Variants in ADH4 observed in about 807,000 individuals in gnomAD.
The protein encoded by ADH4 is all-trans-retinol dehydrogenase [NAD(+)] ADH4.
Under a neutral mutation model 35.2 loss-of-function variants are expected in ADH4, and 31 were observed. The observed-to-expected ratio is 0.88, with a 90% CI of 0.66 to 1.19. The LOEUF is 1.19. Ranked by LOEUF, ADH4 falls within the 50% of genes most tolerant of loss-of-function variation. The probability of loss-of-function intolerance (pLI) is 0.00; values close to 1 mark genes in which losing one functional copy is unlikely to be tolerated. For synonymous variants in ADH4, 171 were observed against 160.2 expected, an observed-to-expected ratio of 1.07 and a Z score of -0.51; for missense variants, 476 against 458.3, an observed-to-expected ratio of 1.04 and a Z score of -0.35.
intron 4 of ADH4, among the ~76,000 whole-genome samples, chr4:99,138,311 T>C (rs1254313533): frequency 6.6e-6 from 1 of 152,184 alleles, no homozygotes. Flanking sequence ...ATTTTATAGA[T>C]GAAAAAATTG....
intron 3 of ADH4, among the ~76,000 whole-genome samples, chr4:99,139,955 T>G (rs1213862390): frequency 6.6e-6 from 1 of 152,138 alleles, no homozygotes; most frequent in African/African-American, 2.4e-5. Flanking sequence ...CTAATATACC[T>G]CTAACTTTGG....
At chr4:99,129,788 G>A (rs188446135) in intron 6 of ADH4, among the ~76,000 whole-genome samples, 8 of 152,214 alleles carry the variant, frequency 5.3e-5, no homozygotes, top group African/African-American at 1.7e-4. Context: ...ACTTGATTCT[G>A]TACTCTTGGC....
At position 99,124,238 on chromosome 4, in the gene ADH4, G is replaced by A. The variant is rs1038779723; in HGVS notation, c.*204C>T. Reference sequence around the variant, plus strand: ...GATATGATTCTATTCATAAACACTAGTTATTATTATTATTTAACATAGGGA... The same window carrying A: ...GATATGATTCTATTCATAAACACTAATTATTATTATTATTTAACATAGGGA... On this transcript the variant is annotated 3_prime_UTR_variant, in exon 9 of 9. Transcript: ENST00000265512. 2 of 466,904 alleles carry A rather than the reference G, an allele frequency of 4.3e-6. No individual in the cohort carries two copies. The highest frequency in any genetic ancestry group is 4.2e-5 in the African/African-American group (2 of 48,170). 28.9% of individuals were successfully genotyped at this position (466,904 alleles called of 1,614,324 possible). A position where few individuals can be genotyped will look rare whatever the true frequency, so the allele number is the denominator to read the frequency against.
intron 8 of ADH4, among the ~76,000 whole-genome samples, chr4:99,126,278 T>A: frequency 1.4e-5 from 1 of 72,344 alleles, no homozygotes; most frequent in South Asian, 6.6e-4. Context: ...AGGGGTACAC[T>A]CTACTAGAGG....
intron 3 of ADH4, among the ~76,000 whole-genome samples, chr4:99,139,565 T>C (rs1235828888): frequency 6.6e-6 from 1 of 152,210 alleles, no homozygotes; most frequent in Non-Finnish European, 1.5e-5. Flanking sequence ...TTAGATTCAC[T>C]TTCAAATTCC....
At chr4:99,137,424 C>T (rs1243641552) in intron 4 of ADH4, among the ~76,000 whole-genome samples, 1 of 151,920 alleles carries the variant, frequency 6.6e-6, no homozygotes. Flanking sequence ...CCTCGCCTGG[C>T]CCTAATTTTG....
At chr4:99,136,000 G>C (rs1029555794) in intron 5 of ADH4, among the ~76,000 whole-genome samples, 4 of 152,188 alleles carry the variant, frequency 2.6e-5, no homozygotes, top group Non-Finnish European at 5.9e-5. Flanking sequence ...GACATGATGA[G>C]TAGCAGAAAT....
rs1364355140 is a variant in ADH4, at chr4:99,142,714, C to A, written c.85G>T (p.Val29Leu). 1.9e-6 allele frequency: 3 copies of A among 1,604,574 alleles called. No homozygotes were observed. The highest frequency in any genetic ancestry group is 2.5e-6 in the Non-Finnish European group (3 of 1,176,794). ...ACTTCATGAGCCTTGGGGGGAGCTACTTCAACCTCTTCAATGCAAAGGGGC... is the reference window on the plus strand; with the variant it reads ...ACTTCATGAGCCTTGGGGGGAGCTAATTCAACCTCTTCAATGCAAAGGGGC... Reference protein sequence around the residue: ...GKPLCIEEVEVAPPKAHEVRI... With the variant: ...GKPLCIEEVELAPPKAHEVRI... The change falls in exon 2 of 9, where the codon GTA (valine) becomes TTA (leucine). Residue 29 changes from valine (V) to leucine (L), a missense_variant. Transcript: ENST00000265512.
intron 4 of ADH4, among the ~76,000 whole-genome samples, chr4:99,137,495 C>G (rs1420219875): frequency 6.6e-6 from 1 of 152,068 alleles, no homozygotes; most frequent in Non-Finnish European, 1.5e-5. Flanking sequence ...CTCCTGACCT[C>G]AGGTGATCTG....
intron 8 of ADH4, 139 bp from the exon 9 acceptor site, chr4:99,124,605 A>T: frequency 1.8e-6 from 1 of 567,554 alleles, no homozygotes; most frequent in Non-Finnish European, 3.1e-6. Context: ...AATTTCTTTT[A>T]TCCCGTCATC....
intron 1 of ADH4, 123 bp from the exon 2 acceptor site, chr4:99,142,903 G>C: frequency 4.8e-6 from 3 of 628,882 alleles, no homozygotes; most frequent in Non-Finnish European, 8.1e-6. Flanking sequence ...TCATGACAAA[G>C]AGTTAAAGAG....
chr4:99,139,646 A>G (rs1729549574), intron 3 of ADH4, among the ~76,000 whole-genome samples: 1 of 152,192 alleles, frequency 6.6e-6, no homozygotes, highest in Non-Finnish European at 1.5e-5. Context: ...AGGTCTAATG[A>G]TGATAATTCA....
intron 5 of ADH4, chr4:99,133,802 C>T (rs1003192407): frequency 6.6e-6 from 1 of 152,102 alleles, no homozygotes; most frequent in African/African-American, 2.4e-5. Flanking sequence ...AAAATCTGCT[C>T]AAGGTAAGTT....
Position 99,143,448 on chromosome 4 carries a change from A to G in ADH4, c.19-668T>C, listed in dbSNP as rs768464400. 52 of 384,994 alleles carry G rather than the reference A, an allele frequency of 1.4e-4. 1 individual carries two copies. Among genetic ancestry groups the G allele is most frequent in the Non-Finnish European group, 2.3e-4 (48 of 211,652 alleles). 23.8% of individuals were successfully genotyped at this position (384,994 alleles called of 1,614,324 possible). A position where few individuals can be genotyped will look rare whatever the true frequency, so the allele number is the denominator to read the frequency against. On this transcript the variant is annotated intron_variant, in intron 1 of 8. Transcript: ENST00000265512. ...ATTTGGGTAAAGATGAATGAACAGA[A>G]ATTAAATATTTAGGATTCTATAACC...
intron 6 of ADH4, among the ~76,000 whole-genome samples, chr4:99,130,646 G>T (rs11732799): frequency 6.6e-6 from 1 of 152,102 alleles, no homozygotes; most frequent in East Asian, 1.9e-4. Context: ...TAATAAGTCA[G>T]CTTAATAATA....
At chr4:99,138,345 T>C (rs1051851693) in intron 4 of ADH4, among the ~76,000 whole-genome samples, 2 of 152,140 alleles carry the variant, frequency 1.3e-5, no homozygotes, top group Non-Finnish European at 2.9e-5. Context: ...GATGTAAGAG[T>C]AGTACAATTT....
In ADH4 at chr4:99,142,723, C is replaced by G. The variant is rs1729668610; in HGVS notation, c.76G>C (p.Glu26Gln). The change falls in exon 2 of 9, where the codon GAG becomes CAG. Residue 26 changes from glutamate (E) to glutamine (Q), a missense_variant. By Grantham distance (29) the Glu-to-Gln change is conservative. Transcript: ENST00000265512. The stretch of plus-strand genomic sequence containing the variant: ...GCCTTGGGGGGAGCTACTTCAACCT[C>G]TTCAATGCAAAGGGGCTTGCCTGCT... ...WEAGKPLCIE[E>Q]VEVAPPKAHE... 6.2e-7 allele frequency: 1 copy of G among 1,605,710 alleles called. No homozygotes were observed. The highest frequency in any genetic ancestry group is 8.5e-7 in the Non-Finnish European group (1 of 1,177,256).
At chr4:99,135,311 C>A (rs1012279160) in intron 5 of ADH4, among the ~76,000 whole-genome samples, 1 of 152,018 alleles carries the variant, frequency 6.6e-6, no homozygotes, top group Non-Finnish European at 1.5e-5. Context: ...TGCCTGTAAT[C>A]CCAGCTACTT....
intron 6 of ADH4, among the ~76,000 whole-genome samples, chr4:99,129,352 T>A (rs1729203084): frequency 6.6e-6 from 1 of 152,118 alleles, no homozygotes; most frequent in Non-Finnish European, 1.5e-5. Flanking sequence ...TCCAAGCATG[T>A]CATAGATCAT....
Sources: gnomAD v4.1 joint callset for allele counts (sites outside exome capture counted in the v4.1 genomes callset) on GRCh38, gnomAD v4.1.1 for gene constraint, MANE v1.5 for transcripts, NCBI Gene and HGNC (gene_info 2026-07-23, HGNC 2026-07-21) for gene names.